Variants in PTCH1 observed in about 807,000 individuals in gnomAD.
PTCH1 encodes patched 1, also known as protein patched homolog 1.
A neutral mutation model predicts 144.6 loss-of-function variants in PTCH1; 14 were observed. That is an observed-to-expected ratio of 0.10 (90% confidence interval 0.06 to 0.15). The LOEUF is 0.15. PTCH1 is among the 10% of genes least tolerant of loss of function. PTCH1 has a pLI of 1.00. For missense variants in PTCH1, 1,623 were observed against 1,948.3 expected (o/e 0.83, Z 3.14); for synonymous variants, 833 against 793.6 (o/e 1.05, Z -0.83).
chr9:95,455,607 C>T (rs1008706076), intron 19 of PTCH1, among the ~76,000 whole-genome samples: 1 of 152,090 alleles, frequency 6.6e-6, no homozygotes, highest in Non-Finnish European at 1.5e-5. Flanking sequence ...TAATTACCTC[C>T]AACAAAGCAT....
chr9:95,499,445 T>C (rs938034722), intron 2 of PTCH1, among the ~76,000 whole-genome samples: 3 of 150,730 alleles, frequency 2.0e-5, no homozygotes, highest in Non-Finnish European at 4.4e-5. Context: ...AGAGATCCAC[T>C]TGGAAGGAAA....
chr9:95,455,420 A>G (rs950936013), intron 19 of PTCH1, among the ~76,000 whole-genome samples: 1 of 152,240 alleles, frequency 6.6e-6, no homozygotes, highest in African/African-American at 2.4e-5. Context: ...GGTATTTCGC[A>G]CGTCGATATT....
intron 20 of PTCH1, chr9:95,452,306 TAAG>T (rs1838524834): frequency 1.4e-5 from 2 of 140,938 alleles, no homozygotes; most frequent in Admixed American, 1.4e-4. Context: ...TACTTGAAGA[TAAG>T]AAGCGTATCT....
At chr9:95,456,548 G>A in intron 18 of PTCH1, 135 bp from the exon 19 acceptor site, 1 of 1,230,556 alleles carries the variant, frequency 8.1e-7, no homozygotes, top group South Asian at 1.4e-5. Context: ...TTTAACTCTG[G>A]ACACTGCCTT....
At chr9:95,488,358 T>C (rs1238283473) in intron 2 of PTCH1, among the ~76,000 whole-genome samples, 1 of 152,244 alleles carries the variant, frequency 6.6e-6, no homozygotes, top group Non-Finnish European at 1.5e-5. Context: ...AAGACTATCA[T>C]GATAGGGTGG....
At chr9:95,480,369 G>A (rs1841435375) in intron 6 of PTCH1, 21 bp downstream of exon 6, 1 of 1,609,354 alleles carries the variant, frequency 6.2e-7, no homozygotes, top group Non-Finnish European at 8.5e-7. Flanking sequence ...CCTTCTGAGA[G>A]CGCTCACTGC....
chr9:95,473,141 C>A (rs1344953638), intron 12 of PTCH1, among the ~76,000 whole-genome samples: 1 of 152,180 alleles, frequency 6.6e-6, no homozygotes, highest in African/African-American at 2.4e-5. Flanking sequence ...AGAATTACAG[C>A]TGATGCCAGT....
chr9:95,481,779 T>C (rs569937021), intron 5 of PTCH1, 170 bp downstream of exon 5: 3 of 666,192 alleles, frequency 4.5e-6, no homozygotes, highest in East Asian at 2.7e-5. Context: ...AGAAAAAACA[T>C]TCTGCTGAAA....
At chr9:95,488,685 A>G (rs1842165020) in intron 2 of PTCH1, among the ~76,000 whole-genome samples, 1 of 152,176 alleles carries the variant, frequency 6.6e-6, no homozygotes, top group African/African-American at 2.4e-5. Context: ...GTCTCTCTCC[A>G]AGAGGCATGC....
In PTCH1 at chr9:95,467,282, A is replaced by G. The variant is rs1840092183; in HGVS notation, c.2394T>C (p.Phe798=). 1 of 1,614,234 alleles carries G rather than the reference A, an allele frequency of 6.2e-7. No individual in the cohort carries two copies. The highest frequency in any genetic ancestry group is 2.2e-5 in the East Asian group (1 of 44,888). Reference sequence around the variant, plus strand: ...TGACTATATACATGTTGTAGAAAGAAAAGTATTTGAATTGTGCAGCAATAA... The same window carrying G: ...TGACTATATACATGTTGTAGAAAGAGAAGTATTTGAATTGTGCAGCAATAA... ...YDFIAAQFKY[F]SFYNMYIVTQ... Residue 798 remains phenylalanine (F), a synonymous_variant, in exon 15 of 24, where the codon TTT becomes TTC. Transcript: ENST00000331920.
At position 95,456,191 on chromosome 9, in the gene PTCH1, T is replaced by TG. The variant is rs1838906478; in HGVS notation, c.3306+84dup. The TG allele has an allele frequency of 2.1e-6, 3 of 1,462,290 alleles. No individual in the cohort carries two copies. The East Asian group carries it at 6.9e-5, about 34-fold the overall frequency. The allele number at this position is 1,462,290 out of a possible 1,614,324, so 90.6% of individuals were successfully genotyped here. Reference sequence around the variant, plus strand: ...TTTTCACTGCCACGCACAGGGAGAATGCAAGGTTCCCACTTGGAGACAAAC... The same window carrying TG: ...TTTTCACTGCCACGCACAGGGAGAATGGCAAGGTTCCCACTTGGAGACAAAC... On this transcript the variant is annotated intron_variant, in intron 19 of 23. Coordinates refer to ENST00000331920, the MANE Select transcript of PTCH1 (RefSeq NM_000264.5).
intron 22 of PTCH1, among the ~76,000 whole-genome samples, chr9:95,448,290 G>A (rs558149769): frequency 2.2e-4 from 33 of 152,298 alleles, no homozygotes; most frequent in South Asian, 2.1e-4. Context: ...TCTCTTTCAC[G>A]GAAGGGCTGC....
intron 1 of PTCH1, 35 bp downstream of exon 1, chr9:95,508,126 G>C (rs767473852): frequency 1.9e-6 from 3 of 1,610,900 alleles, no homozygotes; most frequent in Non-Finnish European, 2.5e-6. Context: ...TTAGAGGAGG[G>C]AAGAGAAAGT....
At chr9:95,511,852 A>T (rs1326384617), upstream of PTCH1, among the ~76,000 whole-genome samples, 1 of 152,212 alleles carries the variant, frequency 6.6e-6, no homozygotes, top group African/African-American at 2.4e-5. Context: ...GGAGGGGGGT[A>T]GTACCCCTAG....
At chr9:95,486,198 ACC>A (rs1041575733) in intron 2 of PTCH1, among the ~76,000 whole-genome samples, 5 of 152,152 alleles carry the variant, frequency 3.3e-5, no homozygotes, top group African/African-American at 4.8e-5. Context: ...AGACCAAATA[ACC>A]CTGTTACAAT....
At chr9:95,461,281 C>T (rs1463448388) in intron 16 of PTCH1, among the ~76,000 whole-genome samples, 1 of 152,162 alleles carries the variant, frequency 6.6e-6, no homozygotes, top group Non-Finnish European at 1.5e-5. Flanking sequence ...ATGGCGCAGC[C>T]ACTCTGATTC....
rs2118329441 is a variant in PTCH1 at position 95,478,064 on chromosome 9, G to A, written c.1338C>T (p.Tyr446=). 6.2e-7 allele frequency: 1 copy of A among 1,614,226 alleles called. No homozygotes were observed. Among genetic ancestry groups the A allele is most frequent in the South Asian group, 1.1e-5 (1 of 91,084 alleles). ...DVSVIRVASG[Y]LLMLAYACLT... Reference sequence around the variant, plus strand: ...TGGCATCGAGCGTTACCATGAGTAAGTAGCCGCTGGCCACGCGGATGACAC... The same window carrying A: ...TGGCATCGAGCGTTACCATGAGTAAATAGCCGCTGGCCACGCGGATGACAC... Residue 446 remains tyrosine, a synonymous_variant, in exon 9 of 24, where the codon TAC becomes TAT. Coordinates refer to ENST00000331920, the MANE Select transcript of PTCH1 (RefSeq NM_000264.5).
intron 7 of PTCH1, 142 bp downstream of exon 7, chr9:95,479,827 A>C: frequency 7.3e-7 from 1 of 1,364,126 alleles, no homozygotes; most frequent in Non-Finnish European, 1.0e-6. Context: ...ACTATTTCTT[A>C]ATATTCTATG....
chr9:95,470,046 C>A, intron 12 of PTCH1, 115 bp from the exon 13 acceptor site: 1 of 808,904 alleles, frequency 1.2e-6, no homozygotes, highest in Non-Finnish European at 2.1e-6. Flanking sequence ...CCTCTTGAAG[C>A]ATTTGAAACC....
Sources: gnomAD v4.1 joint callset for allele counts (sites outside exome capture counted in the v4.1 genomes callset) on GRCh38, gnomAD v4.1.1 for gene constraint, MANE v1.5 for transcripts, NCBI Gene and HGNC (gene_info 2026-07-23, HGNC 2026-07-21) for gene names.